Variants in EEF1E1 observed in about 807,000 individuals in gnomAD.
EEF1E1 encodes the protein eukaryotic translation elongation factor 1 epsilon-1.
Under a neutral mutation model 19.9 loss-of-function variants are expected in EEF1E1, and 19 were observed. The ratio of observed to expected loss-of-function variants is 0.95; its 90% CI spans 0.66 to 1.40. The LOEUF (loss-of-function observed/expected upper bound fraction) is 1.40, where lower values mean the gene tolerates loss of function less well. Among genes scored for constraint, EEF1E1 ranks in the 40% most tolerant of loss-of-function variants. The probability of loss-of-function intolerance (pLI) is 0.00; values close to 1 mark genes in which losing one functional copy is unlikely to be tolerated. For synonymous variants in EEF1E1, 81 were observed against 80.0 expected (o/e 1.01, Z -0.07); for missense variants, 198 against 202.2 (o/e 0.98, Z 0.13).
At chr6:8,076,115 A>G (rs1382404625), downstream of EEF1E1, among the ~76,000 whole-genome samples, 4 of 151,958 alleles carry the variant, frequency 2.6e-5, no homozygotes, top group Non-Finnish European at 5.9e-5. Context: ...GAACTCCCTC[A>G]AAGTCATCCT....
chr6:8,089,623 C>A (rs894481613), intron 3 of EEF1E1, among the ~76,000 whole-genome samples: 1 of 152,182 alleles, frequency 6.6e-6, no homozygotes, highest in East Asian at 1.9e-4. Flanking sequence ...GTCTGCCTTC[C>A]CCAGCCCACT....
Position 8,097,472 on chromosome 6 carries a change from A to G in EEF1E1, c.88-5T>C. On this transcript the variant is annotated splice_polypyrimidine_tract_variant and splice_region_variant and intron_variant, in intron 1 of 3. Transcript: ENST00000379715. ...GTTTGTCTGAAGAACTGGAATCTTA[A>G]AAAGAAAAAAAAGTTCACAGAATTT... 1.2e-6 allele frequency: 2 copies of G among 1,606,972 alleles called. No individual in the cohort carries two copies. Among genetic ancestry groups the G allele is most frequent in the Non-Finnish European group, 1.7e-6 (2 of 1,176,760 alleles).
Position 8,102,480 on chromosome 6 carries a change from C to T in EEF1E1, c.42G>A (p.Leu14=), listed in dbSNP as rs779780056. The change falls in exon 1 of 4, where the codon CTG becomes CTA. Residue 14 remains leucine (L), a synonymous_variant. Transcript: ENST00000379715. ...TGTATTTATTCCCCTTACTCAGTCC[C>T]AGGGACTTCTCCAGTAGCGACAACT... is the stretch of plus-strand genomic sequence containing the variant. The part of the protein sequence containing the change: ...AAELSLLEKS[L]GLSKGNKYSA... The T allele has an allele frequency of 1.2e-6, 2 of 1,612,338 alleles. No homozygotes were observed. Among genetic ancestry groups the T allele is most frequent in the East Asian group, 2.2e-5 (1 of 44,880 alleles).
chr6:8,101,327 C>T (rs1177156900), intron 1 of EEF1E1, among the ~76,000 whole-genome samples: 2 of 133,974 alleles, frequency 1.5e-5, no homozygotes, highest in South Asian at 2.3e-4. Flanking sequence ...GTCCACTCGG[C>T]CATATATATT....
downstream of EEF1E1, chr6:8,079,304 T>C (rs1757669335): frequency 3.3e-6 from 2 of 601,222 alleles, no homozygotes; most frequent in East Asian, 1.4e-4. Flanking sequence ...TCAAGAGGAA[T>C]GTATCTTACT....
chr6:8,076,947 GTT>G (rs70982138), downstream of EEF1E1, among the ~76,000 whole-genome samples: 54 of 113,076 alleles, frequency 4.8e-4, no homozygotes, highest in East Asian at 6.9e-3. Context: ...TTTTGTTTTT[GTT>G]TTTTTTTTTT....
intron 1 of EEF1E1, among the ~76,000 whole-genome samples, chr6:8,099,776 ACACAC>A (rs1758280665): frequency 1.6e-5 from 2 of 124,880 alleles, no homozygotes; most frequent in African/African-American, 6.8e-5. Flanking sequence ...ACACACACAC[ACACAC>A]ACACACACAC....
intron 1 of EEF1E1, among the ~76,000 whole-genome samples, chr6:8,099,056 T>C (rs1758251527): frequency 6.6e-6 from 1 of 152,214 alleles, no homozygotes; most frequent in African/African-American, 2.4e-5. Context: ...TAAAGTCCTA[T>C]TGGCTTAAAC....
intron 3 of EEF1E1, chr6:8,089,905 C>A: frequency 2.8e-6 from 1 of 360,904 alleles, no homozygotes; most frequent in Non-Finnish European, 4.9e-6. Context: ...AAGGAAGCAA[C>A]TGAAAGGAAT....
chr6:8,089,110 A>T (rs1410131600), intron 3 of EEF1E1, among the ~76,000 whole-genome samples: 2 of 152,198 alleles, frequency 1.3e-5, no homozygotes, highest in Admixed American at 6.5e-5. Context: ...AGAGCCGGGA[A>T]CTTACAGGGA....
At chr6:8,087,092 C>T (rs1429137337) in intron 3 of EEF1E1, among the ~76,000 whole-genome samples, 3 of 152,006 alleles carry the variant, frequency 2.0e-5, no homozygotes, top group Non-Finnish European at 2.9e-5. Flanking sequence ...AAGGGAAGGG[C>T]TGGGACCAGG....
chr6:8,089,760 G>A lies in EEF1E1; in HGVS notation c.384+426C>T, dbSNP rs1047241319. Among the ~76,000 whole-genome samples the A allele has an allele frequency of 3.3e-5, 5 of 152,172 alleles. No homozygotes were observed. In the East Asian group the frequency reaches 9.6e-4, roughly 29 times the overall value. Reference sequence around the variant, plus strand: ...CACAAGTGGTTACACAGAAGATGGGGTACTGGAGTTAAGATCTAGAGGTGG... The same window carrying A: ...CACAAGTGGTTACACAGAAGATGGGATACTGGAGTTAAGATCTAGAGGTGG... On this transcript the variant is annotated intron_variant, in intron 3 of 3. Coordinates refer to ENST00000379715, the MANE Select transcript of EEF1E1 (RefSeq NM_004280.5).
chr6:8,084,202 G>C (rs1757789003), intron 3 of EEF1E1, among the ~76,000 whole-genome samples: 2 of 152,146 alleles, frequency 1.3e-5, no homozygotes, highest in African/African-American at 4.8e-5. Context: ...AATACAAAAT[G>C]TAAACACATA....
Position 8,095,411 on chromosome 6 carries a change from G to A in EEF1E1, c.288+1856C>T, listed in dbSNP as rs140807488. ...CCATTTACTCGGGAGGCTGAGGCACGAGAATCACTTGAACCCAGGAGGCGG... is the reference window on the plus strand; with the variant it reads ...CCATTTACTCGGGAGGCTGAGGCACAAGAATCACTTGAACCCAGGAGGCGG... On this transcript the variant is annotated intron_variant, in intron 2 of 3. Coordinates refer to ENST00000379715, the MANE Select transcript of EEF1E1 (RefSeq NM_004280.5). 1,395 of 396,708 alleles carry A rather than the reference G, an allele frequency of 3.5e-3. 14 individuals carry two copies. The highest frequency in any genetic ancestry group is 0.026 in the African/African-American group (1,232 of 46,838). The allele number at this position is 396,708 out of a possible 1,614,324, so 24.6% of individuals were successfully genotyped here. A position where few individuals can be genotyped will look rare whatever the true frequency, so the allele number is the denominator to read the frequency against.
downstream of EEF1E1, among the ~76,000 whole-genome samples, chr6:8,079,151 A>T (rs549923787): frequency 2.0e-4 from 30 of 152,336 alleles, 1 homozygote; most frequent in African/African-American, 7.2e-4. Context: ...AAAAAAATCT[A>T]GTAATTAAAA....
intron 2 of EEF1E1, among the ~76,000 whole-genome samples, chr6:8,093,184 A>T: frequency 6.6e-6 from 1 of 152,070 alleles, no homozygotes; most frequent in East Asian, 1.9e-4. Context: ...GACTCTTAAA[A>T]ATGTAGTTTT....
At chr6:8,095,057 T>C (rs1451788844) in intron 2 of EEF1E1, among the ~76,000 whole-genome samples, 1 of 152,190 alleles carries the variant, frequency 6.6e-6, no homozygotes, top group Admixed American at 6.5e-5. Context: ...AAATTATACA[T>C]GGATTTTCAA....
At chr6:8,091,070 G>T (rs1758000213) in intron 2 of EEF1E1, among the ~76,000 whole-genome samples, 1 of 152,176 alleles carries the variant, frequency 6.6e-6, no homozygotes, top group Admixed American at 6.5e-5. Flanking sequence ...GGACCATATG[G>T]TAATTCCATT....
At chr6:8,092,869 C>CTT (rs942764776) in intron 2 of EEF1E1, among the ~76,000 whole-genome samples, 18,304 of 89,880 alleles carry the variant, frequency 0.2, 2,692 homozygotes, top group African/African-American at 0.31. Context: ...ATAAAGACTG[C>CTT]TTTTTTTTTT....
Sources: gnomAD v4.1 joint callset for allele counts (sites outside exome capture counted in the v4.1 genomes callset) on GRCh38, gnomAD v4.1.1 for gene constraint, MANE v1.5 for transcripts, NCBI Gene and HGNC (gene_info 2026-07-23, HGNC 2026-07-21) for gene names.